ABCC8: variants seen among roughly 807,000 people sequenced by gnomAD.
ABCC8 encodes ATP-binding cassette sub-family C member 8.
A neutral mutation model predicts 188.0 loss-of-function variants in ABCC8; 137 were observed. The observed-to-expected ratio is 0.73, with a 90% CI of 0.63 to 0.84. The LOEUF (loss-of-function observed/expected upper bound fraction) is 0.84, where lower values mean the gene tolerates loss of function less well. ABCC8 is among the 40% of genes least tolerant of loss of function. The pLI, the probability that ABCC8 is intolerant of heterozygous loss-of-function variation, is 0.00. For synonymous variants in ABCC8, 797 were observed against 846.5 expected (o/e 0.94, Z 1.01); for missense variants, 1,750 against 2,072.7 (o/e 0.84, Z 3.02).
At chr11:17,405,871 C>T (rs1202369242) in intron 26 of ABCC8, among the ~76,000 whole-genome samples, 1 of 152,222 alleles carries the variant, frequency 6.6e-6, no homozygotes, top group Non-Finnish European at 1.5e-5. Flanking sequence ...AGAGGGACAA[C>T]CTGCCAAGAG....
chr11:17,454,056 T>C (rs1029743494), intron 6 of ABCC8, among the ~76,000 whole-genome samples: 2 of 152,180 alleles, frequency 1.3e-5, no homozygotes, highest in African/African-American at 2.4e-5. Flanking sequence ...CAGAGCCACA[T>C]CAATATTTCC....
chr11:17,471,771 A>G (rs1419376973), intron 2 of ABCC8, among the ~76,000 whole-genome samples: 1 of 152,244 alleles, frequency 6.6e-6, no homozygotes, highest in African/African-American at 2.4e-5. Flanking sequence ...TGGTATGGAA[A>G]GATGGGAAGA....
At chr11:17,415,428 G>T in intron 17 of ABCC8, 89 bp from the exon 18 acceptor site, 2 of 1,559,638 alleles carry the variant, frequency 1.3e-6, no homozygotes, top group Admixed American at 1.9e-5. Context: ...AACCCAACAT[G>T]AGCATGCCTT....
rs374210402 is a variant in ABCC8, at chr11:17,397,773, G to A, written c.3778C>T (p.Leu1260Phe). Residue 1260 changes from leucine to phenylalanine, a missense_variant, in exon 31 of 39, where the codon CTC becomes TTC. Leu to Phe is a conservative substitution (Grantham distance 22, BLOSUM62 0). Coordinates refer to ENST00000389817, the MANE Select transcript of ABCC8 (RefSeq NM_000352.6). ...GAGATGGAGGTCACCGCTGCGATGAGCACCACACATGCACCGATGTACTCC... is the reference window on the plus strand; with the variant it reads ...GAGATGGAGGTCACCGCTGCGATGAACACCACACATGCACCGATGTACTCC... Reference protein sequence around the residue: ...RMEYIGACVVLIAAVTSISNS... With the variant: ...RMEYIGACVVFIAAVTSISNS... The A allele has an allele frequency of 6.2e-7, 1 of 1,613,860 alleles. No individual in the cohort carries two copies. The highest frequency in any genetic ancestry group is 8.5e-7 in the Non-Finnish European group (1 of 1,180,002).
chr11:17,442,665 C>T, intron 10 of ABCC8, 55 bp downstream of exon 10: 1 of 1,575,520 alleles, frequency 6.3e-7, no homozygotes, highest in Non-Finnish European at 8.7e-7. Context: ...CTCTGACACC[C>T]TCTCCTTGCA....
In ABCC8 at chr11:17,404,678, G is replaced by C. The variant is rs748815267; in HGVS notation, c.3400-9C>G. On this transcript the variant is annotated splice_polypyrimidine_tract_variant and intron_variant, in intron 27 of 38. Transcript: ENST00000389817. This position sits in a 1 kb window ranked among gnomAD's most constrained non-coding sequence, Gnocchi z 4.7. ...AGCGTGGATGGGATGTGCTGAGGGAGACGAGGGGGAGAGAGTGAGGTGAAT... is the reference window on the plus strand; with the variant it reads ...AGCGTGGATGGGATGTGCTGAGGGACACGAGGGGGAGAGAGTGAGGTGAAT... 6.3e-7 allele frequency: 1 copy of C among 1,599,748 alleles called. No individual in the cohort carries two copies. Among genetic ancestry groups the C allele is most frequent in the East Asian group, 2.3e-5 (1 of 44,202 alleles).
chr11:17,409,123 T>TG (rs1243881046), intron 22 of ABCC8, among the ~76,000 whole-genome samples: 9 of 151,238 alleles, frequency 6.0e-5, no homozygotes, highest in Non-Finnish European at 1.3e-4. Context: ...TGGCTAATTT[T>TG]TTTTTTTTTT....
rs1326143562 is a variant in ABCC8 at position 17,448,543 on chromosome 11, G to A, written c.1305C>T (p.Cys435=). The A allele has an allele frequency of 6.2e-7, 1 of 1,614,080 alleles. No homozygotes were observed. Among genetic ancestry groups the A allele is most frequent in the Non-Finnish European group, 8.5e-7 (1 of 1,180,016 alleles). Residue 435 remains cysteine (C), a synonymous_variant, in exon 8 of 39, where the codon TGC becomes TGT. Coordinates refer to ENST00000389817, the MANE Select transcript of ABCC8 (RefSeq NM_000352.6). ...GTACTGGCATAGCCCAGAGGTTTGG[G>A]CACAAGAAGAAAAACCACATGAGCT... ...TNQLMWFFFL[C]PNLWAMPVQI...
intron 1 of ABCC8, 104 bp downstream of exon 1, chr11:17,476,525 C>A: frequency 8.5e-6 from 12 of 1,408,228 alleles, no homozygotes; most frequent in Non-Finnish European, 1.2e-5. Flanking sequence ...AGGCGGACGG[C>A]GGTCGCGGGC....
chr11:17,454,393 G>A (rs1368000877), intron 6 of ABCC8, among the ~76,000 whole-genome samples: 1 of 152,168 alleles, frequency 6.6e-6, no homozygotes, highest in Non-Finnish European at 1.5e-5. Context: ...TGTGCGACAG[G>A]GGTCTGTATC....
intron 10 of ABCC8, among the ~76,000 whole-genome samples, chr11:17,433,196 C>T (rs565362779): frequency 5.9e-5 from 9 of 152,316 alleles, no homozygotes; most frequent in African/African-American, 2.2e-4. Context: ...GAGCAGCCCC[C>T]CCATGGCATA....
intron 22 of ABCC8, among the ~76,000 whole-genome samples, chr11:17,409,690 T>G (rs1591752989): frequency 6.6e-6 from 1 of 152,130 alleles, no homozygotes; most frequent in East Asian, 1.9e-4. Flanking sequence ...GGCTGTTGTT[T>G]AGAGGAGAAT....
intron 6 of ABCC8, among the ~76,000 whole-genome samples, chr11:17,457,339 C>A (rs143533973): frequency 6.6e-6 from 1 of 152,238 alleles, no homozygotes; most frequent in African/African-American, 2.4e-5. Context: ...ACATATAGAA[C>A]CATAAGCAGT....
Position 17,404,424 on chromosome 11 carries a change from C to G in ABCC8, c.3557+88G>C, listed in dbSNP as rs1052510549. 3.0e-6 allele frequency: 4 copies of G among 1,346,112 alleles called. No homozygotes were observed. Among genetic ancestry groups the G allele is most frequent in the Non-Finnish European group, 4.3e-6 (4 of 936,754 alleles). 83.4% of individuals were successfully genotyped at this position (1,346,112 alleles called of 1,614,324 possible). A position where few individuals can be genotyped will look rare whatever the true frequency, so the allele number is the denominator to read the frequency against. On this transcript the variant is annotated intron_variant, in intron 28 of 38. Transcript: ENST00000389817. The surrounding 1 kb of genome is among the most constrained non-coding windows in gnomAD (Gnocchi z 4.7). ...TTTTATTTTTTGGAGGGAACACGAC[C>G]CTATTACTCTCATAACGATGAGTCT...
chr11:17,446,202 G>A lies in ABCC8; in HGVS notation c.1332+2314C>T, dbSNP rs527846195. Among the ~76,000 whole-genome samples, 89 of 152,170 alleles carry A rather than the reference G, an allele frequency of 5.8e-4. 2 individuals carry two copies. The South Asian group carries it at 0.017, about 29-fold the overall frequency. ...GCTGGTCTCGAACTCCTGACCTCAG[G>A]TGAACCATCAGCCTCAGCCTCCCAA... On this transcript the variant is annotated intron_variant, in intron 8 of 38. Coordinates refer to ENST00000389817, the MANE Select transcript of ABCC8 (RefSeq NM_000352.6).
In ABCC8 at chr11:17,430,820, A is replaced by G; in HGVS notation, c.1811T>C (p.Leu604Pro). 1 of 1,614,156 alleles carries G rather than the reference A, an allele frequency of 6.2e-7. No individual in the cohort carries two copies. Among genetic ancestry groups the G allele is most frequent in the Non-Finnish European group, 8.5e-7 (1 of 1,180,016 alleles). The change falls in exon 12 of 39, where the codon CTA becomes CCA. Residue 604 changes from leucine (L) to proline (P), a missense_variant. Physicochemically the swap from Leu to Pro is moderately conservative, Grantham distance 98. Coordinates refer to ENST00000389817, the MANE Select transcript of ABCC8 (RefSeq NM_000352.6). Reference protein sequence around the residue: ...SSVVRSTVKALVSVQKLSEFL... With the variant: ...SSVVRSTVKAPVSVQKLSEFL... ...GCCCGGACCCTCCCCTCACCTCACT[A>G]GAGCTTTGACGGTAGATCGGACCAC...
intron 3 of ABCC8, among the ~76,000 whole-genome samples, chr11:17,469,055 C>CTCCCT (rs1190946096): frequency 9.5e-4 from 4 of 4,208 alleles, no homozygotes; most frequent in Non-Finnish European, 2.8e-3. Flanking sequence ...TTCTCCCTCC[C>CTCCCT]TCCTCCCTCC....
chr11:17,418,940 CTG>C (rs1955208923), intron 16 of ABCC8, among the ~76,000 whole-genome samples: 1 of 152,180 alleles, frequency 6.6e-6, no homozygotes, highest in South Asian at 2.1e-4. Flanking sequence ...TCACTGTGCA[CTG>C]TGAGAAGTTG....
intron 10 of ABCC8, among the ~76,000 whole-genome samples, chr11:17,440,614 C>G (rs1379328272): frequency 6.6e-6 from 1 of 152,236 alleles, no homozygotes; most frequent in African/African-American, 2.4e-5. Context: ...ATGCTCACAG[C>G]TCCATTCTGA....
Sources: gnomAD v4.1 joint callset for allele counts (sites outside exome capture counted in the v4.1 genomes callset) on GRCh38, gnomAD v4.1.1 for gene constraint, Gnocchi (gnomAD v3.1) non-coding constraint, MANE v1.5 for transcripts, NCBI Gene and HGNC (gene_info 2026-07-23, HGNC 2026-07-21) for gene names.